The following GRID2 variants were observed in gnomAD, a reference collection of about 807,000 sequenced individuals.
GRID2 encodes glutamate ionotropic receptor delta type subunit 2.
Under a neutral mutation model 114.8 loss-of-function variants are expected in GRID2, and 33 were observed. That is an observed-to-expected ratio of 0.29 (90% CI 0.22 to 0.38). GRID2 has a LOEUF of 0.38. Among genes scored for constraint, GRID2 ranks in the 10% least tolerant of loss-of-function variants. The probability of loss-of-function intolerance (pLI) is 1.00; values close to 1 mark genes in which losing one functional copy is unlikely to be tolerated. For missense variants in GRID2, 1,184 were observed against 1,257.7 expected (o/e 0.94, Z 0.89); for synonymous variants, 505 against 449.9 (o/e 1.12, Z -1.55).
chr4:93,637,355 G>A (rs1317615771), intron 14 of GRID2, among the ~76,000 whole-genome samples: 2 of 152,082 alleles, frequency 1.3e-5, no homozygotes, highest in Non-Finnish European at 2.9e-5. Context: ...TCACAGAAAT[G>A]ATTTGAAATT....
Position 93,632,550 on chromosome 4 carries a change from C to G in GRID2, c.2360+6115C>G, listed in dbSNP as rs187211370. On this transcript the variant is annotated intron_variant, in intron 14 of 15. Coordinates refer to ENST00000282020, the MANE Select transcript of GRID2 (RefSeq NM_001510.4). ...GTAGATGTGTGGTATTATTTCTGAGCGCTCTGTTCTGTTCCATTGGTCTAT... is the reference window on the plus strand; with the variant it reads ...GTAGATGTGTGGTATTATTTCTGAGGGCTCTGTTCTGTTCCATTGGTCTAT... 5.3e-5 allele frequency among the ~76,000 whole-genome samples: 8 copies of G among 151,982 alleles called. No individual in the cohort carries two copies. The East Asian group carries it at 7.7e-4, about 15-fold the overall frequency.
At chr4:92,872,478 A>G (rs1173324489) in intron 2 of GRID2, among the ~76,000 whole-genome samples, 1 of 152,098 alleles carries the variant, frequency 6.6e-6, no homozygotes, top group African/African-American at 2.4e-5. Context: ...TCTACCTAAA[A>G]TTTTTCTAGA....
chr4:92,882,860 G>A (rs567707428), intron 2 of GRID2, among the ~76,000 whole-genome samples: 1 of 152,296 alleles, frequency 6.6e-6, no homozygotes, highest in Non-Finnish European at 1.5e-5. Flanking sequence ...AATAATTTGA[G>A]CCTTCAACAA....
intron 2 of GRID2, among the ~76,000 whole-genome samples, chr4:92,986,641 C>T (rs973368334): frequency 1.8e-4 from 28 of 152,064 alleles, no homozygotes; most frequent in African/African-American, 6.8e-4. Flanking sequence ...TAAAGGAATG[C>T]TGCCTAGGGG....
chr4:92,927,170 A>T (rs1253071620), intron 2 of GRID2, among the ~76,000 whole-genome samples: 1 of 151,890 alleles, frequency 6.6e-6, no homozygotes, highest in African/African-American at 2.4e-5. Flanking sequence ...CAGTATCAAC[A>T]TGTTCCCAGC....
At chr4:92,304,844 G>A in intron 1 of GRID2, 100 bp downstream of exon 1, 1 of 859,446 alleles carries the variant, frequency 1.2e-6, no homozygotes, top group Non-Finnish European at 2.0e-6. Flanking sequence ...GTGTCTTGTT[G>A]GAGGTGGCTT....
intron 2 of GRID2, among the ~76,000 whole-genome samples, chr4:92,976,748 T>G (rs924938226): frequency 2.0e-5 from 3 of 152,176 alleles, no homozygotes; most frequent in Non-Finnish European, 4.4e-5. Context: ...TTGCTGACTC[T>G]TCCAGAATTG....
intron 2 of GRID2, among the ~76,000 whole-genome samples, chr4:92,917,407 T>C (rs1485431720): frequency 1.3e-5 from 2 of 152,216 alleles, no homozygotes; most frequent in Non-Finnish European, 2.9e-5. Context: ...GCCATTGCTT[T>C]TGGTGTTCTA....
At chr4:92,482,987 G>A (rs1722690799) in intron 1 of GRID2, among the ~76,000 whole-genome samples, 2 of 152,018 alleles carry the variant, frequency 1.3e-5, no homozygotes, top group Non-Finnish European at 2.9e-5. Context: ...GGAATATTTT[G>A]ACAGAATACA....
At chr4:93,242,480 G>C (rs1158771904) in intron 8 of GRID2, among the ~76,000 whole-genome samples, 1 of 151,988 alleles carries the variant, frequency 6.6e-6, no homozygotes, top group African/African-American at 2.4e-5. Context: ...GTGTTGCTTT[G>C]TGTTTGATAG....
intron 11 of GRID2, among the ~76,000 whole-genome samples, chr4:93,471,145 A>G (rs1304098091): frequency 6.6e-6 from 1 of 152,180 alleles, no homozygotes; most frequent in Non-Finnish European, 1.5e-5. Flanking sequence ...AGCATCTGGC[A>G]TGAGTGAAAT....
At chr4:93,419,074 C>CTTTTTTTTTTTTTTTTTTTTTTTTTTT (rs58832079) in intron 9 of GRID2, among the ~76,000 whole-genome samples, 1 of 109,530 alleles carries the variant, frequency 9.1e-6, no homozygotes, top group African/African-American at 4.2e-5. Flanking sequence ...CATGATTTTC[C>CTTTTTTTTTTTTTTTTTTTTTTTTTTT]TTTTTTTTTT....
intron 8 of GRID2, among the ~76,000 whole-genome samples, chr4:93,300,898 A>G (rs1276094239): frequency 6.6e-6 from 1 of 152,216 alleles, no homozygotes; most frequent in African/African-American, 2.4e-5. Context: ...TCAGAGAGAA[A>G]CAGAACAGGG....
At chr4:93,710,160 G>T (rs762217183) in intron 14 of GRID2, among the ~76,000 whole-genome samples, 7 of 152,278 alleles carry the variant, frequency 4.6e-5, no homozygotes, top group Non-Finnish European at 8.8e-5. Flanking sequence ...TGAACAGTTA[G>T]GTACTTATTG....
chr4:92,666,618 A>C (rs1259408649), intron 2 of GRID2, among the ~76,000 whole-genome samples: 1 of 141,212 alleles, frequency 7.1e-6, no homozygotes, highest in East Asian at 2.1e-4. Context: ...TCTCTATGCC[A>C]AGGATTAGGC....
intron 8 of GRID2, among the ~76,000 whole-genome samples, chr4:93,275,580 C>T (rs1445329522): frequency 6.6e-6 from 1 of 151,718 alleles, no homozygotes; most frequent in East Asian, 1.9e-4. Context: ...TCAATTTCTC[C>T]ACATCTTCAC....
intron 1 of GRID2, among the ~76,000 whole-genome samples, chr4:92,478,956 A>G (rs1050545170): frequency 2.1e-4 from 32 of 152,238 alleles, no homozygotes; most frequent in African/African-American, 7.0e-4. Flanking sequence ...ATGATTTCTC[A>G]GGATTTATGA....
Position 92,974,499 on chromosome 4 carries a change from T to A in GRID2, c.245-110496T>A, listed in dbSNP as rs182502952. ...TGGCACATATACACCATGGAATACT[T>A]TGCAGCCATAAAAAAGGATGAGTTA... On this transcript the variant is annotated intron_variant, in intron 2 of 15. Transcript: ENST00000282020. 4.9e-3 allele frequency among the ~76,000 whole-genome samples: 742 copies of A among 152,086 alleles called. 3 individuals are homozygous for A. The highest frequency in any genetic ancestry group is 8.7e-3 in the Non-Finnish European group (591 of 67,968).
chr4:92,701,508 T>C (rs1002444044), intron 2 of GRID2, among the ~76,000 whole-genome samples: 2 of 152,172 alleles, frequency 1.3e-5, no homozygotes, highest in Non-Finnish European at 2.9e-5. Context: ...CAGGAAAATC[T>C]AGGTAACTCA....
Sources: gnomAD v4.1 joint callset for allele counts (sites outside exome capture counted in the v4.1 genomes callset) on GRCh38, gnomAD v4.1.1 for gene constraint, MANE v1.5 for transcripts, NCBI Gene and HGNC (gene_info 2026-07-23, HGNC 2026-07-21) for gene names.